SNAPC3: variants seen among roughly 807,000 people sequenced by gnomAD.
The protein encoded by SNAPC3 is snRNA-activating protein complex subunit 3.
Under a neutral mutation model 47.7 loss-of-function variants are expected in SNAPC3, and 56 were observed. That is an observed-to-expected ratio of 1.18 (90% CI 0.95 to 1.47). The LOEUF (loss-of-function observed/expected upper bound fraction) is 1.47. Among genes scored for constraint, SNAPC3 ranks in the 40% most tolerant of loss-of-function variants. The pLI is 0.00. For synonymous variants in SNAPC3, 235 were observed against 189.9 expected (o/e 1.24, Z -1.95); for missense variants, 665 against 511.3 (o/e 1.30, Z -2.90).
intron 7 of SNAPC3, among the ~76,000 whole-genome samples, chr9:15,453,811 C>T (rs368591925): frequency 1.1e-4 from 17 of 152,316 alleles, no homozygotes; most frequent in African/African-American, 3.8e-4. Flanking sequence ...ATAAACCCTG[C>T]TCCATTGCTG....
At chr9:15,428,438 G>A (rs1426420683) in intron 2 of SNAPC3, among the ~76,000 whole-genome samples, 3 of 151,368 alleles carry the variant, frequency 2.0e-5, no homozygotes, top group Non-Finnish European at 4.4e-5. Flanking sequence ...GAACCTGGGA[G>A]GCGGAGCTTG....
chr9:15,426,159 T>A (rs2031366736), intron 2 of SNAPC3, among the ~76,000 whole-genome samples: 1 of 152,176 alleles, frequency 6.6e-6, no homozygotes, highest in African/African-American at 2.4e-5. Flanking sequence ...TGGCCCGACC[T>A]TGCTGATTTT....
chr9:15,428,729 T>G (rs1278526170), intron 2 of SNAPC3, among the ~76,000 whole-genome samples: 1 of 151,716 alleles, frequency 6.6e-6, no homozygotes, highest in African/African-American at 2.4e-5. Flanking sequence ...GTGAATAAAT[T>G]GTAAGATACC....
downstream of SNAPC3, chr9:15,465,559 C>G (rs755087616): frequency 8.2e-6 from 13 of 1,580,742 alleles, no homozygotes; most frequent in East Asian, 2.3e-5. Flanking sequence ...ATATTTCAGT[C>G]TCTCTCTCTT....
At chr9:15,464,318 G>C (rs2035460929), downstream of SNAPC3, 4 of 193,786 alleles carry the variant, frequency 2.1e-5, no homozygotes, top group South Asian at 7.7e-4. Flanking sequence ...CTGGTCTTAA[G>C]CCATTTTTTT....
intron 3 of SNAPC3, among the ~76,000 whole-genome samples, chr9:15,439,598 G>T (rs1309019634): frequency 6.6e-6 from 1 of 152,078 alleles, no homozygotes; most frequent in Non-Finnish European, 1.5e-5. Flanking sequence ...GCAGTGGCCC[G>T]ATCTCGGCTC....
rs190602428 is a variant in SNAPC3, at chr9:15,439,655, C to T, written c.478-4947C>T. Among the ~76,000 whole-genome samples the T allele has an allele frequency of 5.3e-5, 8 of 152,250 alleles. No individual in the cohort carries two copies. The East Asian group carries it at 1.5e-3, about 29-fold the overall frequency. On this transcript the variant is annotated intron_variant, in intron 3 of 8. Coordinates refer to ENST00000380821, the MANE Select transcript of SNAPC3 (RefSeq NM_001039697.2). Reference sequence around the variant, plus strand: ...GTTCAAGTGAATCTTGTGCCTCAGCCTCCCGAGTAGCTGGAACTACAAGCA... The same window carrying T: ...GTTCAAGTGAATCTTGTGCCTCAGCTTCCCGAGTAGCTGGAACTACAAGCA...
intron 3 of SNAPC3, among the ~76,000 whole-genome samples, chr9:15,443,687 G>C (rs1465122260): frequency 6.6e-6 from 1 of 151,998 alleles, no homozygotes; most frequent in Admixed American, 6.6e-5. Context: ...CCTGGACCAG[G>C]CACTCGGCAT....
intron 3 of SNAPC3, among the ~76,000 whole-genome samples, chr9:15,437,512 C>T (rs1303304505): frequency 1.3e-5 from 2 of 152,048 alleles, no homozygotes; most frequent in Non-Finnish European, 2.9e-5. Context: ...GGATTACAGG[C>T]GTGAGCCACC....
chr9:15,453,237 C>CT (rs759781006), intron 7 of SNAPC3, 32 bp downstream of exon 7: 2,395 of 1,464,752 alleles, frequency 1.6e-3, no homozygotes, highest in South Asian at 2.3e-3. Flanking sequence ...ATTTTGTTAC[C>CT]TTTTTTTTTC....
intron 4 of SNAPC3, among the ~76,000 whole-genome samples, chr9:15,445,728 C>G (rs929883974): frequency 2.6e-5 from 4 of 152,130 alleles, no homozygotes; most frequent in South Asian, 2.1e-4. Flanking sequence ...GTGGGCTGAT[C>G]ACTTGAGCTC....
At chr9:15,428,407 G>A (rs1221744987) in intron 2 of SNAPC3, among the ~76,000 whole-genome samples, 1 of 151,630 alleles carries the variant, frequency 6.6e-6, no homozygotes, top group East Asian at 2.0e-4. Flanking sequence ...TACTTGGGAG[G>A]CTGAGGCAGG....
intron 2 of SNAPC3, among the ~76,000 whole-genome samples, chr9:15,424,203 A>C (rs550893954): frequency 1.2e-4 from 18 of 152,344 alleles, no homozygotes; most frequent in African/African-American, 4.3e-4. Context: ...GTTAGACATG[A>C]TAATTTACCC....
At chr9:15,433,808 C>T (rs1432023544) in intron 3 of SNAPC3, 172 bp downstream of exon 3, 1 of 429,920 alleles carries the variant, frequency 2.3e-6, no homozygotes, top group Admixed American at 4.2e-5. Flanking sequence ...ACCCTTAGAA[C>T]TCAAGTGACC....
At chr9:15,445,179 A>G (rs993928350) in intron 4 of SNAPC3, among the ~76,000 whole-genome samples, 7 of 152,206 alleles carry the variant, frequency 4.6e-5, no homozygotes, top group African/African-American at 7.2e-5. Flanking sequence ...CTAATAAGGA[A>G]TATTGGAAAT....
chr9:15,466,719 C>T, downstream of SNAPC3: 1 of 1,540,050 alleles, frequency 6.5e-7, no homozygotes, highest in Non-Finnish European at 8.9e-7. Context: ...ATAAAAAACA[C>T]ACAAGACCCA....
chr9:15,433,714 G>T lies in SNAPC3; in HGVS notation c.477+78G>T, dbSNP rs2032458449. 5.6e-6 allele frequency: 5 copies of T among 886,814 alleles called. No individual in the cohort carries two copies. The South Asian group carries it at 7.2e-5, about 13-fold the overall frequency. The allele number at this position is 886,814 out of a possible 1,614,324, so 54.9% of individuals were successfully genotyped here. On this transcript the variant is annotated intron_variant, in intron 3 of 8. Coordinates refer to ENST00000380821, the MANE Select transcript of SNAPC3 (RefSeq NM_001039697.2). ...CATTGGCTGAGGGTTAGTAATGACA[G>T]TATGGTAGCTTTATACTGGATATGC...
At chr9:15,430,149 G>C (rs1285769797) in intron 2 of SNAPC3, among the ~76,000 whole-genome samples, 1 of 152,224 alleles carries the variant, frequency 6.6e-6, no homozygotes, top group Non-Finnish European at 1.5e-5. Flanking sequence ...ATTACTAACA[G>C]GTTGCGTGCA....
downstream of SNAPC3, chr9:15,464,564 T>C (rs973139126): frequency 2.0e-5 from 4 of 199,214 alleles, no homozygotes; most frequent in Non-Finnish European, 4.1e-5. Context: ...AAAAACAATA[T>C]AGCCATGATT....
Sources: gnomAD v4.1 joint callset for allele counts (sites outside exome capture counted in the v4.1 genomes callset) on GRCh38, gnomAD v4.1.1 for gene constraint, MANE v1.5 for transcripts, NCBI Gene and HGNC (gene_info 2026-07-23, HGNC 2026-07-21) for gene names.